The following AGBL1 variants were observed in gnomAD, a reference collection of about 807,000 sequenced individuals.
AGBL1 encodes the protein cytosolic carboxypeptidase 4.
Under a neutral mutation model 118.9 loss-of-function variants are expected in AGBL1, and 130 were observed. The observed-to-expected ratio is 1.09, with a 90% CI of 0.95 to 1.26. The LOEUF is 1.26. Among genes scored for constraint, AGBL1 ranks in the 50% most tolerant of loss-of-function variants. AGBL1 has a pLI of 0.00. For missense variants in AGBL1, 1,584 were observed against 1,298.1 expected (o/e 1.22, Z -3.38); for synonymous variants, 555 against 478.9 (o/e 1.16, Z -2.08).
chr15:86,309,065 T>G (rs897625364), intron 17 of AGBL1, among the ~76,000 whole-genome samples: 5 of 152,212 alleles, frequency 3.3e-5, no homozygotes, highest in African/African-American at 1.2e-4. Context: ...TGGTATACCT[T>G]TCCATTTATA....
At chr15:86,854,546 G>A (rs1407839378) in intron 22 of AGBL1, among the ~76,000 whole-genome samples, 1 of 152,152 alleles carries the variant, frequency 6.6e-6, no homozygotes, top group African/African-American at 2.4e-5. Flanking sequence ...AGTCAATTTG[G>A]AGCCAGTGTT....
At position 86,373,973 on chromosome 15, in the gene AGBL1, C is replaced by T. The variant is rs566442816; in HGVS notation, c.2375-23393C>T. Among the ~76,000 whole-genome samples the T allele has an allele frequency of 2.0e-5, 3 of 152,328 alleles. No homozygotes were observed. In the South Asian group the frequency reaches 6.2e-4, roughly 32 times the overall value. On this transcript the variant is annotated intron_variant, in intron 17 of 22. Coordinates refer to ENST00000614907, the MANE Select transcript of AGBL1 (RefSeq NM_001386094.1). Reference sequence around the variant, plus strand: ...ATAATTCACTACCCCCTGCCCTAGACAAGGTCCTGTGGCATAGCTGTATGA... The same window carrying T: ...ATAATTCACTACCCCCTGCCCTAGATAAGGTCCTGTGGCATAGCTGTATGA...
Position 86,568,065 on chromosome 15 carries a change from C to CT in AGBL1, c.2994+13537dup, listed in dbSNP as rs201207032. Among the ~76,000 whole-genome samples the CT allele has an allele frequency of 6.4e-4, 97 of 151,708 alleles. No individual in the cohort carries two copies. The East Asian group carries it at 0.017, about 27-fold the overall frequency. On this transcript the variant is annotated intron_variant, in intron 21 of 22. Transcript: ENST00000614907. Reference sequence around the variant, plus strand: ...AATTCTCCTTATGCTCCCACTTTTACTTTTTTTTTCTTCATCCATGCTTTT... The same window carrying CT: ...AATTCTCCTTATGCTCCCACTTTTACTTTTTTTTTTCTTCATCCATGCTTTT...
chr15:86,183,329 T>C (rs868755250), intron 5 of AGBL1, among the ~76,000 whole-genome samples: 6 of 152,342 alleles, frequency 3.9e-5, no homozygotes, highest in Admixed American at 2.0e-4. Context: ...ATAGAATCTT[T>C]AAATGCCTTA....
chr15:86,674,379 C>T lies in AGBL1; in HGVS notation c.3101C>T (p.Ala1034Val). The change falls in exon 22 of 23, where the codon GCT becomes GTT. Residue 1034 changes from alanine to valine, a missense_variant. Coordinates refer to ENST00000614907, the MANE Select transcript of AGBL1 (RefSeq NM_001386094.1). ...GCCAGCTGCAGCCATCAGCTCCTGG[C>T]TCAAGCTGCAACTCTGCTGAGTGCT... ...KSASCSHQLL[A>V]QAATLLSAEE... 6.2e-7 allele frequency: 1 copy of T among 1,613,186 alleles called. No homozygotes were observed. The highest frequency in any genetic ancestry group is 8.5e-7 in the Non-Finnish European group (1 of 1,179,598).
chr15:86,655,308 A>G (rs2085444859), intron 21 of AGBL1, among the ~76,000 whole-genome samples: 1 of 152,210 alleles, frequency 6.6e-6, no homozygotes, highest in South Asian at 2.1e-4. Flanking sequence ...GCAGCTGAAT[A>G]CACAATAGGA....
intron 22 of AGBL1, among the ~76,000 whole-genome samples, chr15:86,728,319 A>G (rs1004026597): frequency 1.3e-5 from 2 of 152,210 alleles, no homozygotes; most frequent in African/African-American, 4.8e-5. Flanking sequence ...AGCAGGCTAG[A>G]GTTGACAAAA....
intron 22 of AGBL1, among the ~76,000 whole-genome samples, chr15:86,683,168 T>G (rs1353134072): frequency 6.6e-6 from 1 of 152,124 alleles, no homozygotes; most frequent in Non-Finnish European, 1.5e-5. Context: ...TAATCTAAAT[T>G]TAATTTAGTT....
rs182059770 is a variant in AGBL1 at position 86,838,703 on chromosome 15, G to T, written c.3159-68384G>T. On this transcript the variant is annotated intron_variant, in intron 22 of 22. Transcript: ENST00000614907. ...GCCTGTAATCCCAGCACTTTGAGAG[G>T]CCGAGGCAGAAAGACTGCTTGAGCC... Among the ~76,000 whole-genome samples the T allele has an allele frequency of 7.5e-4, 114 of 151,964 alleles. 2 individuals are homozygous for T. The highest frequency in any genetic ancestry group is 7.5e-3 in the Admixed American group (114 of 15,270).
chr15:86,595,654 T>G (rs1285882975), intron 21 of AGBL1, among the ~76,000 whole-genome samples: 1 of 152,170 alleles, frequency 6.6e-6, no homozygotes, highest in East Asian at 1.9e-4. Flanking sequence ...ACCTGACATG[T>G]TCTTCTTTCC....
intron 18 of AGBL1, among the ~76,000 whole-genome samples, chr15:86,504,502 CTT>C (rs1360812253): frequency 7.9e-5 from 12 of 151,370 alleles, no homozygotes; most frequent in Admixed American, 4.6e-4. Context: ...TCATTCCTCT[CTT>C]ATTTCTTTTG....
At chr15:86,438,059 C>T (rs1018148527) in intron 18 of AGBL1, among the ~76,000 whole-genome samples, 3 of 152,096 alleles carry the variant, frequency 2.0e-5, no homozygotes, top group Non-Finnish European at 4.4e-5. Context: ...ATGCGTGCCA[C>T]CATGCCCAAC....
intron 22 of AGBL1, among the ~76,000 whole-genome samples, chr15:86,779,133 G>A (rs549745245): frequency 1.4e-4 from 22 of 152,084 alleles, no homozygotes; most frequent in South Asian, 6.2e-4. Flanking sequence ...CCTACGGATC[G>A]TTCACTATTC....
In AGBL1 at chr15:86,628,490, A is replaced by AT. The variant is rs200630684; in HGVS notation, c.2995-45775dup. Among the ~76,000 whole-genome samples, 1,043 of 151,978 alleles carry AT rather than the reference A, an allele frequency of 6.9e-3. 8 individuals are homozygous for AT. Among genetic ancestry groups the AT allele is most frequent in the East Asian group, 0.021 (106 of 5,164 alleles). On this transcript the variant is annotated intron_variant, in intron 21 of 22. Coordinates refer to ENST00000614907, the MANE Select transcript of AGBL1 (RefSeq NM_001386094.1). ...TGTCTAAAACATGTTTATTGAACTA[A>AT]TTTTTTTTCTTTAAAAAAATTTTTG...
intron 24 of AGBL1, among the ~76,000 whole-genome samples, chr15:86,994,846 C>A (rs527471514): frequency 6.6e-6 from 1 of 152,088 alleles, no homozygotes; most frequent in Non-Finnish European, 1.5e-5. Context: ...CATTTTATTT[C>A]TCAACCTTAT....
intron 22 of AGBL1, among the ~76,000 whole-genome samples, chr15:86,710,688 G>C (rs2086540999): frequency 6.6e-6 from 1 of 152,156 alleles, no homozygotes; most frequent in South Asian, 2.1e-4. Flanking sequence ...ATATGGATAG[G>C]TTTCAGATAG....
chr15:86,130,864 C>G (rs1272798973), intron 1 of AGBL1, among the ~76,000 whole-genome samples: 1 of 152,126 alleles, frequency 6.6e-6, no homozygotes, highest in Admixed American at 6.6e-5. Flanking sequence ...GTCATCAGGG[C>G]AGTTCTTTCC....
At chr15:86,936,764 C>T (rs993705999) in intron 23 of AGBL1, among the ~76,000 whole-genome samples, 1 of 152,162 alleles carries the variant, frequency 6.6e-6, no homozygotes, top group Non-Finnish European at 1.5e-5. Flanking sequence ...ATAACAAAGA[C>T]ACCAAAAGCA....
intron 24 of AGBL1, among the ~76,000 whole-genome samples, chr15:87,001,248 A>G (rs2081434132): frequency 6.6e-6 from 1 of 151,574 alleles, no homozygotes; most frequent in African/African-American, 2.4e-5. Flanking sequence ...TGCCCTGGCC[A>G]GAACTTCCAA....
Sources: allele counts gnomAD v4.1 joint callset (sites outside exome capture counted in the v4.1 genomes callset), GRCh38; gene constraint gnomAD v4.1.1; transcripts MANE v1.5; gene names NCBI Gene and HGNC (gene_info 2026-07-23, HGNC 2026-07-21).